The following TESPA1 variants were observed in gnomAD, a reference collection of about 807,000 sequenced individuals.
TESPA1 encodes the protein protein TESPA1.
Under a neutral mutation model 57.9 loss-of-function variants are expected in TESPA1, and 33 were observed. That is an observed-to-expected ratio of 0.57 (90% confidence interval 0.43 to 0.76). TESPA1 has a LOEUF of 0.76. TESPA1 is among the 30% of genes least tolerant of loss of function. The pLI is 0.00. For missense variants in TESPA1, 618 were observed against 632.9 expected (o/e 0.98, Z 0.25); for synonymous variants, 227 against 228.9 (o/e 0.99, Z 0.07).
At chr12:54,968,335 T>G (rs1204797975) in intron 3 of TESPA1, among the ~76,000 whole-genome samples, 2 of 152,218 alleles carry the variant, frequency 1.3e-5, no homozygotes, top group East Asian at 3.8e-4. Flanking sequence ...ACTTCCTTCC[T>G]TCTCTCTGAA....
At chr12:54,972,939 G>A (rs1425611757) in intron 3 of TESPA1, among the ~76,000 whole-genome samples, 1 of 152,168 alleles carries the variant, frequency 6.6e-6, no homozygotes, top group Non-Finnish European at 1.5e-5. Flanking sequence ...ACAGGCTGAT[G>A]GGCTGTGGGG....
At chr12:54,978,532 A>G (rs1177636538) in intron 1 of TESPA1, among the ~76,000 whole-genome samples, 1 of 152,204 alleles carries the variant, frequency 6.6e-6, no homozygotes, top group Non-Finnish European at 1.5e-5. Flanking sequence ...CTCTAGAGTT[A>G]CTTCCCATAT....
chr12:54,967,926 C>T, intron 3 of TESPA1, 34 bp from the exon 4 acceptor site: 2 of 1,612,934 alleles, frequency 1.2e-6, no homozygotes, highest in South Asian at 2.2e-5. Flanking sequence ...GTTGAAGTCA[C>T]TTACTACATT....
At chr12:54,959,669 T>C (rs1950957555) in intron 10 of TESPA1, among the ~76,000 whole-genome samples, 1 of 152,228 alleles carries the variant, frequency 6.6e-6, no homozygotes. Context: ...AATCTTTGCA[T>C]TTGCCTATTT....
intron 3 of TESPA1, among the ~76,000 whole-genome samples, chr12:54,970,306 A>C (rs1951752197): frequency 6.6e-6 from 1 of 152,212 alleles, no homozygotes; most frequent in African/African-American, 2.4e-5. Context: ...TTATATTAAA[A>C]AGGAAAATGT....
rs1450754066 is a variant in TESPA1 at position 54,948,882 on chromosome 12, C to T, written c.*1510G>A. The T allele has an allele frequency of 6.6e-6, 1 of 152,198 alleles. No homozygotes were observed. The highest frequency in any genetic ancestry group is 2.4e-5 in the African/African-American group (1 of 41,448). The allele number at this position is 152,198 out of a possible 1,614,324, so 9.4% of individuals were successfully genotyped here. The stretch of plus-strand genomic sequence containing the variant: ...CTTCCTGACTTCAGGCCCTTGACCT[C>T]CCTTAAGAATATTTGCTTTAGAAAA... On this transcript the variant is annotated 3_prime_UTR_variant, in exon 11 of 11. Coordinates refer to ENST00000449076, the MANE Select transcript of TESPA1 (RefSeq NM_001136030.3).
In TESPA1 at chr12:54,966,089, C is replaced by T; in HGVS notation, c.410G>A (p.Ser137Asn). ...CTTGTTGGTCCCCCCAGTCATGCTG[C>T]TGGAAGCCAAACTACAGCCAAGATC... ...LLDLGCSLAS[S>N]SMTGGTNKTS... is the part of the protein sequence containing the mutation. The change falls in exon 7 of 11, where the codon AGC becomes AAC. Residue 137 changes from serine to asparagine, a missense_variant. By Grantham distance (46) the Ser-to-Asn change is conservative. Coordinates refer to ENST00000449076, the MANE Select transcript of TESPA1 (RefSeq NM_001136030.3). 6.3e-7 allele frequency: 1 copy of T among 1,578,836 alleles called. No individual in the cohort carries two copies.
At position 54,949,808 on chromosome 12, in the gene TESPA1, G is replaced by C. The variant is rs971074802; in HGVS notation, c.*584C>G. 1 of 152,422 alleles carries C rather than the reference G, an allele frequency of 6.6e-6. No homozygotes were observed. Among genetic ancestry groups the C allele is most frequent in the African/African-American group, 2.4e-5 (1 of 41,412 alleles). 9.4% of individuals were successfully genotyped at this position (152,422 alleles called of 1,614,324 possible). ...AGTCTCCAAGTTGATTTCTTCAAAGGAGGTCTCAAGAAGAAAAATAGGACT... is the reference window on the plus strand; with the variant it reads ...AGTCTCCAAGTTGATTTCTTCAAAGCAGGTCTCAAGAAGAAAAATAGGACT... On this transcript the variant is annotated 3_prime_UTR_variant, in exon 11 of 11. Transcript: ENST00000449076.
intron 3 of TESPA1, among the ~76,000 whole-genome samples, chr12:54,971,747 T>C (rs1399727646): frequency 6.6e-6 from 1 of 152,032 alleles, no homozygotes; most frequent in Non-Finnish European, 1.5e-5. Flanking sequence ...AATTAAATAT[T>C]AAAGATATAA....
chr12:54,955,835 T>G (rs915880842), intron 10 of TESPA1, among the ~76,000 whole-genome samples: 2 of 152,206 alleles, frequency 1.3e-5, no homozygotes, highest in Admixed American at 6.5e-5. Context: ...TTGGTAAGAA[T>G]TGTAAATGAG....
At chr12:54,966,678 G>A (rs990319861) in intron 5 of TESPA1, among the ~76,000 whole-genome samples, 2 of 151,456 alleles carry the variant, frequency 1.3e-5, no homozygotes, top group African/African-American at 4.9e-5. Context: ...GTTTAGGCAA[G>A]AGCCCCTCTG....
rs371973691 is a variant in TESPA1 at position 54,974,402 on chromosome 12, T to C, written c.161A>G (p.Glu54Gly). The C allele has an allele frequency of 5.7e-5, 91 of 1,602,808 alleles. No individual in the cohort carries two copies. The African/African-American group carries it at 1.2e-3, about 21-fold the overall frequency. ...EPSSLDDVFQ[E>G]GNPINKIEDW... ...CCTGTCTGATGTTCGTCTCTTACCT[T>C]CTTGGAAAACGTCATCCAGGCTGGA... Residue 54 changes from glutamate (E) to glycine (G), a missense_variant and splice_region_variant, in exon 2 of 11, where the codon GAA becomes GGA. This residue lies in a region of TESPA1 where 199 missense variants were observed against 184.0 expected (regional missense o/e 1.08). Transcript: ENST00000449076.
At chr12:54,951,485 T>C (rs1206719482) in intron 10 of TESPA1, among the ~76,000 whole-genome samples, 1 of 152,242 alleles carries the variant, frequency 6.6e-6, no homozygotes, top group East Asian at 1.9e-4. Flanking sequence ...CCCATTCTAT[T>C]GATTCTTTCC....
intron 3 of TESPA1, among the ~76,000 whole-genome samples, chr12:54,970,764 G>C (rs1207060098): frequency 2.0e-5 from 3 of 152,202 alleles, no homozygotes; most frequent in Non-Finnish European, 4.4e-5. Flanking sequence ...CCAAGGTATT[G>C]CTCTTTCTGT....
chr12:54,972,009 G>A (rs917323786), intron 3 of TESPA1, among the ~76,000 whole-genome samples: 4 of 152,120 alleles, frequency 2.6e-5, no homozygotes, highest in African/African-American at 7.2e-5. Context: ...TAAACCTCAC[G>A]AGAACCCTTA....
chr12:54,962,387 C>T (rs899840857), intron 9 of TESPA1, 44 bp downstream of exon 9: 14 of 1,581,134 alleles, frequency 8.9e-6, no homozygotes, highest in Non-Finnish European at 3.4e-6. Context: ...AAAGAATCTA[C>T]AGCCTTTCTC....
chr12:54,970,800 G>A (rs1192907725), intron 3 of TESPA1, among the ~76,000 whole-genome samples: 1 of 152,216 alleles, frequency 6.6e-6, no homozygotes, highest in Admixed American at 6.5e-5. Context: ...ACAAATAGTA[G>A]GGAGGAGGGG....
chr12:54,981,481 T>C (rs534938463), intron 1 of TESPA1, among the ~76,000 whole-genome samples: 15 of 151,058 alleles, frequency 9.9e-5, no homozygotes, highest in Non-Finnish European at 1.9e-4. Flanking sequence ...ACTGACGAGT[T>C]AACGGGTGCA....
At chr12:54,983,410 C>T (rs578181144) in intron 1 of TESPA1, among the ~76,000 whole-genome samples, 2 of 152,286 alleles carry the variant, frequency 1.3e-5, no homozygotes, top group African/African-American at 2.4e-5. Context: ...TTCCTACTAA[C>T]ACTTCATGCT....
Sources: allele counts gnomAD v4.1 joint callset (sites outside exome capture counted in the v4.1 genomes callset), GRCh38; gene constraint gnomAD v4.1.1; regional missense constraint gnomAD v4.1.1; transcripts MANE v1.5; gene names NCBI Gene and HGNC (gene_info 2026-07-23, HGNC 2026-07-21).